LINC00305: variants seen among roughly 807,000 people sequenced by gnomAD.
LINC00305 encodes the protein long intergenic non-protein coding RNA 305.
At chr18:64,094,412 A>G (rs1328562592) in intron 3 of LINC00305, among the ~76,000 whole-genome samples, 2 of 152,188 alleles carry the variant, frequency 1.3e-5, no homozygotes, top group Non-Finnish European at 2.9e-5. Context: ...GACTGTGGGC[A>G]GAGAGCACAA....
At chr18:64,113,945 G>A (rs2051326139) in intron 1 of LINC00305, among the ~76,000 whole-genome samples, 1 of 152,172 alleles carries the variant, frequency 6.6e-6, no homozygotes. Context: ...CTTAAGCAGA[G>A]TTTTATGAAA....
intron 1 of LINC00305, among the ~76,000 whole-genome samples, chr18:64,125,159 C>G (rs1183351424): frequency 6.6e-6 from 1 of 152,102 alleles, no homozygotes; most frequent in East Asian, 1.9e-4. Flanking sequence ...CACACTTAAA[C>G]TATTTATTTC....
intron 1 of LINC00305, among the ~76,000 whole-genome samples, chr18:64,129,219 C>G (rs2051398600): frequency 6.6e-6 from 1 of 152,048 alleles, no homozygotes; most frequent in African/African-American, 2.4e-5. Context: ...CTTTGACTTT[C>G]TGGAATTCTA....
At chr18:64,083,768 T>C (rs1434901734) in intron 3 of LINC00305, among the ~76,000 whole-genome samples, 6 of 152,240 alleles carry the variant, frequency 3.9e-5, no homozygotes, top group Non-Finnish European at 7.3e-5. Context: ...CTCATTATAA[T>C]GCTCAAAGGG....
chr18:64,132,712 C>G (rs2051415409), intron 1 of LINC00305, among the ~76,000 whole-genome samples: 1 of 152,164 alleles, frequency 6.6e-6, no homozygotes, highest in Non-Finnish European at 1.5e-5. Context: ...CCAACCTGAC[C>G]TCTCTGGAGC....
At chr18:64,087,697 T>C (rs2051208595) in intron 3 of LINC00305, among the ~76,000 whole-genome samples, 1 of 152,154 alleles carries the variant, frequency 6.6e-6, no homozygotes, top group South Asian at 2.1e-4. Flanking sequence ...TAAGGACCTA[T>C]CTCTGGATCT....
At chr18:64,090,502 A>G (rs2051220786) in intron 3 of LINC00305, among the ~76,000 whole-genome samples, 1 of 152,204 alleles carries the variant, frequency 6.6e-6, no homozygotes, top group Admixed American at 6.5e-5. Flanking sequence ...AGGCAAATTG[A>G]GGAAATGTTA....
chr18:64,143,353 A>G (rs2051473430), intron 1 of LINC00305, among the ~76,000 whole-genome samples: 1 of 151,996 alleles, frequency 6.6e-6, no homozygotes, highest in African/African-American at 2.4e-5. Flanking sequence ...TGATTTCCTT[A>G]TATAGTAGTA....
intron 3 of LINC00305, among the ~76,000 whole-genome samples, chr18:64,095,784 T>A (rs373137872): frequency 1.3e-5 from 2 of 152,098 alleles, no homozygotes; most frequent in Admixed American, 1.3e-4. Flanking sequence ...ACATAATCAA[T>A]GTTTCTGAAT....
At chr18:64,104,901 C>A (rs1190690085) in intron 1 of LINC00305, among the ~76,000 whole-genome samples, 1 of 151,936 alleles carries the variant, frequency 6.6e-6, no homozygotes, top group African/African-American at 2.4e-5. Context: ...TCCTCCAGGC[C>A]CTGTGGAATT....
chr18:64,106,131 G>T (rs1599213784), intron 1 of LINC00305, among the ~76,000 whole-genome samples: 1 of 152,290 alleles, frequency 6.6e-6, no homozygotes, highest in Non-Finnish European at 1.5e-5. Context: ...ACTTTAGAAG[G>T]TTTATTTAAT....
At chr18:64,102,713 G>A (rs1400570) in intron 1 of LINC00305, among the ~76,000 whole-genome samples, 22,715 of 152,104 alleles carry the variant, frequency 0.15, 1,715 homozygotes, top group Non-Finnish European at 0.16. Context: ...TAGAATCATG[G>A]CGGAGGGCAA....
chr18:64,115,287 A>C (rs992198735), intron 1 of LINC00305, among the ~76,000 whole-genome samples: 1 of 152,230 alleles, frequency 6.6e-6, no homozygotes, highest in Non-Finnish European at 1.5e-5. Flanking sequence ...ACAGTAATCT[A>C]CCATGAGCCT....
At chr18:64,121,304 C>T (rs748842917) in intron 1 of LINC00305, among the ~76,000 whole-genome samples, 8 of 151,930 alleles carry the variant, frequency 5.3e-5, no homozygotes, top group Non-Finnish European at 1.0e-4. Context: ...ACCCAAATAA[C>T]GTACGCTGTA....
intron 1 of LINC00305, among the ~76,000 whole-genome samples, chr18:64,133,471 A>G (rs2051418997): frequency 6.6e-6 from 1 of 152,116 alleles, no homozygotes; most frequent in African/African-American, 2.4e-5. Flanking sequence ...TGATGTTTTT[A>G]AAATGTAAGT....
At chr18:64,144,804 C>T (rs774442695) in intron 1 of LINC00305, among the ~76,000 whole-genome samples, 5 of 152,162 alleles carry the variant, frequency 3.3e-5, no homozygotes, top group South Asian at 2.1e-4. Flanking sequence ...GCCAGCAGCG[C>T]GGGATGTGCT....
intron 1 of LINC00305, among the ~76,000 whole-genome samples, chr18:64,121,484 G>A (rs1377683019): frequency 1.3e-5 from 2 of 152,074 alleles, no homozygotes; most frequent in East Asian, 3.9e-4. Flanking sequence ...TTAAAATAAT[G>A]GCCTCTAATT....
At position 64,087,745 on chromosome 18, in the gene LINC00305, T is replaced by C. The variant is rs572235716; in HGVS notation, n.541-7343A>G. 3.9e-5 allele frequency among the ~76,000 whole-genome samples: 6 copies of C among 152,046 alleles called. No homozygotes were observed. In the South Asian group the frequency reaches 8.3e-4, roughly 21 times the overall value. On this transcript the variant is annotated intron_variant and non_coding_transcript_variant, in intron 3 of 3. Coordinates refer to ENST00000666468, the Ensembl canonical transcript of LINC00305. The stretch of plus-strand genomic sequence containing the variant: ...GTCACTGATGAATACATAAAAGAAT[T>C]AGAGATAAGGAAATGAGTTATTGTC...
At chr18:64,100,154 T>G (rs1245268979) in intron 1 of LINC00305, among the ~76,000 whole-genome samples, 1 of 152,162 alleles carries the variant, frequency 6.6e-6, no homozygotes, top group Non-Finnish European at 1.5e-5. Context: ...GTTTTTTTTT[T>G]CTTCAGGGGA....
Sources: gnomAD v4.1 joint callset for allele counts (sites outside exome capture counted in the v4.1 genomes callset) on GRCh38, gnomAD v4.1.1 for gene constraint, MANE v1.5 for transcripts, NCBI Gene and HGNC (gene_info 2026-07-23, HGNC 2026-07-21) for gene names.